Variants in TAFA4 observed in about 807,000 individuals in gnomAD.
The protein encoded by TAFA4 is TAFA chemokine like family member 4, also known as chemokine-like protein TAFA-4.
In TAFA4, 20 loss-of-function variants were observed where a neutral mutation model predicts 21.1. The observed-to-expected ratio is 0.95, with a 90% confidence interval of 0.67 to 1.38. The LOEUF is 1.38. Ranked by LOEUF, TAFA4 falls within the 40% of genes most tolerant of loss-of-function variation. The pLI is 0.00. For synonymous variants in TAFA4, 71 were observed against 67.4 expected, an observed-to-expected ratio of 1.05 and a Z score of -0.26; for missense variants, 211 against 180.9, an observed-to-expected ratio of 1.17 and a Z score of -0.95.
At chr3:68,791,185 T>G (rs554468158) in intron 3 of TAFA4, among the ~76,000 whole-genome samples, 1 of 152,218 alleles carries the variant, frequency 6.6e-6, no homozygotes, top group Non-Finnish European at 1.5e-5. Flanking sequence ...TTGTGTCCCA[T>G]CAGAAGATAT....
intron 2 of TAFA4, among the ~76,000 whole-genome samples, chr3:68,884,078 G>T (rs1481394408): frequency 1.3e-5 from 2 of 152,154 alleles, no homozygotes; most frequent in South Asian, 4.1e-4. Flanking sequence ...TAATGAAAGT[G>T]ATATTATAAA....
intron 3 of TAFA4, among the ~76,000 whole-genome samples, chr3:68,844,145 C>G (rs1034155610): frequency 6.6e-6 from 1 of 152,202 alleles, no homozygotes; most frequent in East Asian, 1.9e-4. Context: ...TCCATCTGGT[C>G]CTGAGCTTTT....
intron 4 of TAFA4, among the ~76,000 whole-genome samples, chr3:68,748,686 G>C (rs1174042092): frequency 6.6e-6 from 1 of 151,592 alleles, no homozygotes; most frequent in African/African-American, 2.4e-5. Flanking sequence ...AGAGGTTGCC[G>C]TGAGCAGAGA....
At chr3:68,781,962 AC>A (rs1703161890) in intron 3 of TAFA4, among the ~76,000 whole-genome samples, 1 of 152,204 alleles carries the variant, frequency 6.6e-6, no homozygotes, top group Non-Finnish European at 1.5e-5. Context: ...CTTAGATGTT[AC>A]ACCAAAACAC....
intron 3 of TAFA4, among the ~76,000 whole-genome samples, chr3:68,794,674 T>C (rs1205232140): frequency 2.0e-5 from 3 of 152,192 alleles, no homozygotes; most frequent in African/African-American, 4.8e-5. Flanking sequence ...CATCCCTGCC[T>C]GCAGCCCAAT....
intron 3 of TAFA4, among the ~76,000 whole-genome samples, chr3:68,867,849 T>C (rs2089437633): frequency 6.6e-6 from 1 of 151,696 alleles, no homozygotes; most frequent in Admixed American, 6.6e-5. Context: ...ATAGATACAA[T>C]AACAATGAAA....
intron 3 of TAFA4, among the ~76,000 whole-genome samples, chr3:68,833,974 T>G (rs183191019): frequency 1.3e-5 from 2 of 152,168 alleles, no homozygotes; most frequent in Admixed American, 6.6e-5. Flanking sequence ...TAACACTCAG[T>G]TGGAGGGGAG....
intron 4 of TAFA4, among the ~76,000 whole-genome samples, chr3:68,741,921 C>CA (rs1370108503): frequency 1.3e-5 from 2 of 152,058 alleles, no homozygotes; most frequent in African/African-American, 4.8e-5. Context: ...TAGGACACTA[C>CA]AAAAAAGAAA....
intron 1 of TAFA4, among the ~76,000 whole-genome samples, chr3:68,900,274 T>C (rs867435545): frequency 7.5e-3 from 315 of 41,930 alleles, no homozygotes; most frequent in Non-Finnish European, 8.2e-3. Flanking sequence ...ATAATAATAA[T>C]AATAATAACA....
At chr3:68,860,831 C>T (rs555112828) in intron 3 of TAFA4, among the ~76,000 whole-genome samples, 1 of 152,168 alleles carries the variant, frequency 6.6e-6, no homozygotes, top group Admixed American at 6.5e-5. Flanking sequence ...CACGTAGGTC[C>T]CTAACCCAAT....
At chr3:68,776,895 C>T (rs1338098638) in intron 3 of TAFA4, among the ~76,000 whole-genome samples, 1 of 151,998 alleles carries the variant, frequency 6.6e-6, no homozygotes, top group Non-Finnish European at 1.5e-5. Context: ...ACTAAATAAT[C>T]ATCAAGTCAA....
intron 4 of TAFA4, among the ~76,000 whole-genome samples, chr3:68,747,523 C>T (rs1337674148): frequency 2.0e-5 from 3 of 152,192 alleles, no homozygotes; most frequent in South Asian, 2.1e-4. Flanking sequence ...TCACCTTACA[C>T]CACGATGGTG....
chr3:68,919,950 AG>A (rs2090041820), intron 1 of TAFA4, among the ~76,000 whole-genome samples: 1 of 152,334 alleles, frequency 6.6e-6, no homozygotes, highest in Middle Eastern at 3.4e-3. Flanking sequence ...CTTCTACCCT[AG>A]AAAAATGCAA....
intron 1 of TAFA4, among the ~76,000 whole-genome samples, chr3:68,900,548 C>T (rs2089835658): frequency 6.6e-6 from 1 of 152,030 alleles, no homozygotes; most frequent in Non-Finnish European, 1.5e-5. Flanking sequence ...GCACTCTCTA[C>T]TCACTAGCTA....
At chr3:68,818,260 C>G (rs1336938046) in intron 3 of TAFA4, among the ~76,000 whole-genome samples, 1 of 152,166 alleles carries the variant, frequency 6.6e-6, no homozygotes, top group Non-Finnish European at 1.5e-5. Context: ...CTACCTTCAG[C>G]CTTCAAAGAA....
intron 3 of TAFA4, among the ~76,000 whole-genome samples, chr3:68,798,856 T>G (rs957161205): frequency 6.6e-6 from 1 of 152,132 alleles, no homozygotes; most frequent in African/African-American, 2.4e-5. Flanking sequence ...CATACAAAAT[T>G]TAAAAGGAAC....
intron 3 of TAFA4, among the ~76,000 whole-genome samples, chr3:68,832,257 G>T (rs1459438285): frequency 6.6e-6 from 1 of 152,154 alleles, no homozygotes; most frequent in Non-Finnish European, 1.5e-5. Context: ...AGGAAAAGAG[G>T]CCTTCTGGTT....
chr3:68,857,747 T>C (rs1216114372), intron 3 of TAFA4, among the ~76,000 whole-genome samples: 1 of 151,548 alleles, frequency 6.6e-6, no homozygotes, highest in Non-Finnish European at 1.5e-5. Flanking sequence ...GACCAATGAA[T>C]GTAAGATTTC....
intron 3 of TAFA4, among the ~76,000 whole-genome samples, chr3:68,812,932 A>T (rs985832910): frequency 6.6e-6 from 1 of 152,138 alleles, no homozygotes; most frequent in Non-Finnish European, 1.5e-5. Flanking sequence ...GAAGTAAAGT[A>T]CTCCTCAGCA....
Sources: gnomAD v4.1 joint callset for allele counts (sites outside exome capture counted in the v4.1 genomes callset) on GRCh38, gnomAD v4.1.1 for gene constraint, MANE v1.5 for transcripts, NCBI Gene and HGNC (gene_info 2026-07-23, HGNC 2026-07-21) for gene names.